The following KIAA1328 variants were observed in gnomAD, a reference collection of about 807,000 sequenced individuals.
The protein encoded by KIAA1328 is KIAA1328.
KIAA1328 carries 52 observed loss-of-function variants against 68.1 expected under a neutral mutation model. That is an observed-to-expected ratio of 0.76 (90% confidence interval 0.61 to 0.96). The LOEUF (loss-of-function observed/expected upper bound fraction) is 0.96. KIAA1328 is among the 40% of genes least tolerant of loss of function. The pLI is 0.00. For synonymous variants in KIAA1328, 232 were observed against 239.4 expected (o/e 0.97, Z 0.28); for missense variants, 641 against 677.6 (o/e 0.95, Z 0.60).
At chr18:36,831,782 A>C (rs1410787970) in intron 1 of KIAA1328, among the ~76,000 whole-genome samples, 1 of 152,184 alleles carries the variant, frequency 6.6e-6, no homozygotes, top group Non-Finnish European at 1.5e-5. Context: ...ATTAGAGTAG[A>C]ATGGGCAGTA....
intron 9 of KIAA1328, among the ~76,000 whole-genome samples, chr18:37,207,782 A>G (rs1040845437): frequency 1.3e-5 from 2 of 152,224 alleles, no homozygotes; most frequent in African/African-American, 2.4e-5. Context: ...CTGTGGTGCA[A>G]GAGAACTCAT....
chr18:37,085,572 C>T (rs2057078872), intron 7 of KIAA1328, among the ~76,000 whole-genome samples: 1 of 152,182 alleles, frequency 6.6e-6, no homozygotes, highest in African/African-American at 2.4e-5. Context: ...ATTCTGCCAT[C>T]TTGCTGACGT....
At chr18:37,031,693 T>C (rs1271254641) in intron 6 of KIAA1328, among the ~76,000 whole-genome samples, 1 of 152,194 alleles carries the variant, frequency 6.6e-6, no homozygotes, top group East Asian at 1.9e-4. Context: ...TGGAGTCTAG[T>C]TATATCACCT....
At chr18:36,967,323 A>G (rs1430456315) in intron 6 of KIAA1328, among the ~76,000 whole-genome samples, 1 of 152,186 alleles carries the variant, frequency 6.6e-6, no homozygotes, top group African/African-American at 2.4e-5. Flanking sequence ...AAGTCCTACA[A>G]CCACAAGGAG....
At chr18:37,199,645 T>G (rs1034931794) in intron 9 of KIAA1328, among the ~76,000 whole-genome samples, 6 of 152,180 alleles carry the variant, frequency 3.9e-5, no homozygotes, top group African/African-American at 1.4e-4. Context: ...GATATTTCTG[T>G]TTCTAGGTCT....
intron 7 of KIAA1328, among the ~76,000 whole-genome samples, chr18:37,118,324 A>G (rs553764966): frequency 4.2e-4 from 64 of 152,082 alleles, no homozygotes; most frequent in Admixed American, 2.0e-3. Context: ...TACCTATTTC[A>G]TATTCCCTTT....
At chr18:36,848,280 T>C (rs1015947138) in intron 4 of KIAA1328, among the ~76,000 whole-genome samples, 2 of 151,648 alleles carry the variant, frequency 1.3e-5, no homozygotes, top group Non-Finnish European at 3.0e-5. Context: ...GGTTTTGTTA[T>C]ATGTATCTTG....
chr18:36,884,599 G>A (rs946304583), intron 4 of KIAA1328, among the ~76,000 whole-genome samples: 1 of 152,196 alleles, frequency 6.6e-6, no homozygotes, highest in African/African-American at 2.4e-5. Context: ...TGCTCTAGTA[G>A]AGTAGCGTTC....
chr18:36,937,284 C>T (rs527639899), intron 5 of KIAA1328, among the ~76,000 whole-genome samples: 44 of 152,282 alleles, frequency 2.9e-4, no homozygotes, highest in African/African-American at 9.6e-4. Flanking sequence ...CAATACCATT[C>T]AGGACATAGG....
At chr18:37,169,375 C>T (rs887683499) in intron 8 of KIAA1328, among the ~76,000 whole-genome samples, 9 of 151,962 alleles carry the variant, frequency 5.9e-5, no homozygotes, top group Non-Finnish European at 1.3e-4. Flanking sequence ...CTATGTTGGC[C>T]AGGCTGGTCT....
chr18:37,154,248 A>C (rs907999493), intron 7 of KIAA1328, among the ~76,000 whole-genome samples: 1 of 152,120 alleles, frequency 6.6e-6, no homozygotes, highest in Non-Finnish European at 1.5e-5. Context: ...AGTGGGTGAG[A>C]CTCAGTCCAT....
intron 6 of KIAA1328, among the ~76,000 whole-genome samples, chr18:37,007,293 C>T (rs961716878): frequency 2.0e-5 from 3 of 152,152 alleles, no homozygotes; most frequent in Non-Finnish European, 4.4e-5. Context: ...TAGCTGGCCA[C>T]ACATCAGTTT....
chr18:37,172,933 T>G (rs2059528531), intron 8 of KIAA1328, 40 bp from the exon 9 acceptor site: 1 of 1,480,892 alleles, frequency 6.8e-7, no homozygotes, highest in South Asian at 1.2e-5. Context: ...CCATTTTCTT[T>G]TACTGAATGC....
At chr18:36,992,481 T>C (rs1471335415) in intron 6 of KIAA1328, among the ~76,000 whole-genome samples, 1 of 148,036 alleles carries the variant, frequency 6.8e-6, no homozygotes, top group Non-Finnish European at 1.5e-5. Flanking sequence ...TTTTTTGCTA[T>C]ATGTGGCCTT....
chr18:36,997,168 C>T (rs896816732), intron 6 of KIAA1328, among the ~76,000 whole-genome samples: 5 of 152,102 alleles, frequency 3.3e-5, no homozygotes, highest in African/African-American at 4.8e-5. Context: ...GAAATATTTT[C>T]GTCTTTCTGT....
chr18:36,974,848 CTG>C (rs2052395905), intron 6 of KIAA1328, among the ~76,000 whole-genome samples: 1 of 152,186 alleles, frequency 6.6e-6, no homozygotes, highest in Non-Finnish European at 1.5e-5. Context: ...GGCTCAAAAA[CTG>C]TGCCATCTGT....
chr18:36,948,503 TC>T (rs1414690290), intron 5 of KIAA1328, among the ~76,000 whole-genome samples: 5 of 150,694 alleles, frequency 3.3e-5, no homozygotes, highest in African/African-American at 1.2e-4. Flanking sequence ...CTCGTGATCC[TC>T]CCACCTCGGC....
intron 5 of KIAA1328, among the ~76,000 whole-genome samples, chr18:36,948,498 G>T (rs1292980735): frequency 6.7e-6 from 1 of 149,794 alleles, no homozygotes; most frequent in Non-Finnish European, 1.5e-5. Context: ...CTGACCTCGT[G>T]ATCCTCCCAC....
intron 5 of KIAA1328, among the ~76,000 whole-genome samples, chr18:36,916,270 C>G (rs1464202898): frequency 1.3e-5 from 2 of 151,806 alleles, no homozygotes; most frequent in Non-Finnish European, 2.9e-5. Flanking sequence ...TTTTTAAAAT[C>G]CTTTGTCTTT....
Sources: gnomAD v4.1 joint callset for allele counts (sites outside exome capture counted in the v4.1 genomes callset) on GRCh38, gnomAD v4.1.1 for gene constraint, MANE v1.5 for transcripts, NCBI Gene and HGNC (gene_info 2026-07-23, HGNC 2026-07-21) for gene names.